The following IL34 variants were observed in gnomAD, a reference collection of about 807,000 sequenced individuals.
IL34 encodes the protein interleukin-34.
Under a neutral mutation model 25.3 loss-of-function variants are expected in IL34, and 17 were observed. That is an observed-to-expected ratio of 0.67 (90% CI 0.46 to 1.01). IL34 has a LOEUF of 1.01. Ranked by LOEUF, IL34 falls within the 50% of genes least tolerant of loss-of-function variation. The pLI, the probability that IL34 is intolerant of heterozygous loss-of-function variation, is 0.00. For missense variants in IL34, 368 were observed against 312.9 expected, an observed-to-expected ratio of 1.18 and a Z score of -1.33; for synonymous variants, 174 against 140.9, an observed-to-expected ratio of 1.23 and a Z score of -1.66.
At chr16:70,637,766 G>T (rs2051688998) in intron 1 of IL34, among the ~76,000 whole-genome samples, 1 of 152,168 alleles carries the variant, frequency 6.6e-6, no homozygotes, top group African/African-American at 2.4e-5. Flanking sequence ...TGTCTTCTTT[G>T]AATCTGACTT....
intron 4 of IL34, chr16:70,657,332 CG>C: frequency 1.7e-6 from 1 of 571,854 alleles, no homozygotes; most frequent in Non-Finnish European, 3.1e-6. Flanking sequence ...GAGCCGGGCT[CG>C]GGGTGCAGGC....
chr16:70,644,510 A>C (rs1344724684), upstream of IL34, among the ~76,000 whole-genome samples: 1 of 152,166 alleles, frequency 6.6e-6, no homozygotes, highest in Admixed American at 6.6e-5. Context: ...TGATTATTAT[A>C]GTAATTACAC....
intron 1 of IL34, among the ~76,000 whole-genome samples, chr16:70,623,122 T>C (rs950113344): frequency 6.6e-6 from 1 of 152,032 alleles, no homozygotes; most frequent in Admixed American, 6.6e-5. Context: ...GGATGAAATT[T>C]GGGCTTGATT....
At chr16:70,655,058 CTTTT>C (rs201599880) in intron 2 of IL34, among the ~76,000 whole-genome samples, 1 of 145,738 alleles carries the variant, frequency 6.9e-6, no homozygotes. Context: ...CTCTATGTAT[CTTTT>C]TTTTTTTTTG....
intron 4 of IL34, chr16:70,657,402 C>G: frequency 2.5e-6 from 1 of 395,194 alleles, no homozygotes; most frequent in Non-Finnish European, 4.6e-6. Context: ...CTGGGCAAGT[C>G]ATCGTACCCT....
At chr16:70,586,738 C>A (rs143646579) in intron 1 of IL34, among the ~76,000 whole-genome samples, 1 of 152,172 alleles carries the variant, frequency 6.6e-6, no homozygotes, top group Non-Finnish European at 1.5e-5. Context: ...GCTCACTGAA[C>A]GCTCACAGCT....
At chr16:70,620,630 T>C (rs766173255) in intron 1 of IL34, among the ~76,000 whole-genome samples, 36 of 152,082 alleles carry the variant, frequency 2.4e-4, no homozygotes, top group South Asian at 1.0e-3. Context: ...ACGAGTTGCA[T>C]TGGGCACAGA....
chr16:70,652,464 G>C (rs2052104720), intron 1 of IL34, among the ~76,000 whole-genome samples: 1 of 152,150 alleles, frequency 6.6e-6, no homozygotes, highest in Non-Finnish European at 1.5e-5. Context: ...TATTTGAAAA[G>C]AAAAACATGA....
At chr16:70,602,783 T>C (rs950619743) in intron 1 of IL34, among the ~76,000 whole-genome samples, 3 of 152,098 alleles carry the variant, frequency 2.0e-5, no homozygotes, top group African/African-American at 7.2e-5. Context: ...CAAGGGATCC[T>C]CCTGCTTCAG....
intron 1 of IL34, among the ~76,000 whole-genome samples, chr16:70,628,495 T>TA (rs1435510213): frequency 1.3e-5 from 2 of 149,904 alleles, no homozygotes; most frequent in East Asian, 3.9e-4. Flanking sequence ...ATTTATTTAT[T>TA]TTTTTTTTTG....
intron 1 of IL34, among the ~76,000 whole-genome samples, chr16:70,623,781 G>C (rs1413845818): frequency 6.6e-6 from 1 of 151,356 alleles, no homozygotes; most frequent in African/African-American, 2.4e-5. Context: ...AGGGAACTGG[G>C]CAGGTGGGGA....
chr16:70,650,899 G>T (rs973275866), intron 1 of IL34, among the ~76,000 whole-genome samples: 1 of 152,220 alleles, frequency 6.6e-6, no homozygotes, highest in Non-Finnish European at 1.5e-5. Flanking sequence ...TTCTCAGCAC[G>T]CTGGGCTGTG....
At chr16:70,626,003 C>T (rs546161783) in intron 1 of IL34, among the ~76,000 whole-genome samples, 20 of 152,184 alleles carry the variant, frequency 1.3e-4, no homozygotes, top group Non-Finnish European at 8.8e-5. Context: ...ATCCGAGTCA[C>T]GGCACCGAAT....
At chr16:70,599,090 C>T (rs763110973) in intron 1 of IL34, among the ~76,000 whole-genome samples, 1 of 152,178 alleles carries the variant, frequency 6.6e-6, no homozygotes, top group Non-Finnish European at 1.5e-5. Flanking sequence ...CTGACTCAGG[C>T]AAGAGATGGT....
Position 70,657,044 on chromosome 16 carries a change from C to A in IL34, c.325C>A (p.Leu109Met), listed in dbSNP as rs372238545. 4.3e-6 allele frequency: 7 copies of A among 1,612,794 alleles called. No homozygotes were observed. The highest frequency in any genetic ancestry group is 5.1e-6 in the Non-Finnish European group (6 of 1,179,980). ...LSATESVQDV[L>M]LEGHPSWKYL... Reference sequence around the variant, plus strand: ...TGCCACTGAGTCGGTGCAGGACGTGCTGCTCGAGGGCCACCCATCCTGGAA... The same window carrying A: ...TGCCACTGAGTCGGTGCAGGACGTGATGCTCGAGGGCCACCCATCCTGGAA... The change falls in exon 4 of 6, where the codon CTG becomes ATG. Residue 109 changes from leucine (L) to methionine (M), a missense_variant. By Grantham distance (15) the Leu-to-Met change is conservative. Coordinates refer to ENST00000288098, the MANE Select transcript of IL34 (RefSeq NM_001393494.1).
intron 1 of IL34, among the ~76,000 whole-genome samples, chr16:70,630,213 A>G (rs1408013983): frequency 6.6e-6 from 1 of 152,104 alleles, no homozygotes; most frequent in African/African-American, 2.4e-5. Flanking sequence ...TCCATTCTGT[A>G]TATGTTCTAC....
chr16:70,644,904 AGAG>A (rs1184269703), upstream of IL34, among the ~76,000 whole-genome samples: 9 of 110,172 alleles, frequency 8.2e-5, no homozygotes, highest in Non-Finnish European at 1.1e-4. Context: ...GGAAGGAGGA[AGAG>A]GAGGGAGGAG....
chr16:70,600,231 C>A (rs1378617623), intron 1 of IL34, among the ~76,000 whole-genome samples: 1 of 152,138 alleles, frequency 6.6e-6, no homozygotes, highest in African/African-American at 2.4e-5. Context: ...CTCTCTACCC[C>A]CTGCCACAAA....
chr16:70,624,021 G>A (rs552949982), intron 1 of IL34, among the ~76,000 whole-genome samples: 8 of 151,766 alleles, frequency 5.3e-5, no homozygotes, highest in Middle Eastern at 3.4e-3. Flanking sequence ...GATGGTCTAC[G>A]GGGCTTTCGA....
Sources: allele counts gnomAD v4.1 joint callset (sites outside exome capture counted in the v4.1 genomes callset), GRCh38; gene constraint gnomAD v4.1.1; transcripts MANE v1.5; gene names NCBI Gene and HGNC (gene_info 2026-07-23, HGNC 2026-07-21).